BBX: variants seen among roughly 807,000 people sequenced by gnomAD.
The protein encoded by BBX is BBX high mobility group box domain containing.
In BBX, 30 loss-of-function variants were observed where a neutral mutation model predicts 100.2. That is an observed-to-expected ratio of 0.30 (90% CI 0.22 to 0.41). The LOEUF is 0.41. Among genes scored for constraint, BBX ranks in the 10% least tolerant of loss-of-function variants. The pLI, the probability that BBX is intolerant of heterozygous loss-of-function variation, is 1.00. For missense variants in BBX, 1,023 were observed against 1,129.8 expected (o/e 0.91, Z 1.35); for synonymous variants, 376 against 388.1 (o/e 0.97, Z 0.37).
At chr3:107,758,187 T>C (rs931991954) in intron 10 of BBX, among the ~76,000 whole-genome samples, 15 of 152,344 alleles carry the variant, frequency 9.8e-5, no homozygotes, top group African/African-American at 3.6e-4. Flanking sequence ...AGAGAAGCAC[T>C]GTTAAAGATT....
intron 2 of BBX, among the ~76,000 whole-genome samples, chr3:107,591,280 G>T (rs1336442325): frequency 6.6e-6 from 1 of 152,030 alleles, no homozygotes; most frequent in African/African-American, 2.4e-5. Context: ...TTTCCAATAA[G>T]CTCCTTAACA....
At chr3:107,675,914 TTAAAC>T (rs2059258295) in intron 3 of BBX, among the ~76,000 whole-genome samples, 2 of 152,290 alleles carry the variant, frequency 1.3e-5, no homozygotes, top group Non-Finnish European at 2.9e-5. Context: ...GAGTAGCTCT[TTAAAC>T]TATCCTATAA....
intron 2 of BBX, among the ~76,000 whole-genome samples, chr3:107,554,861 G>C (rs1432730984): frequency 1.3e-5 from 2 of 152,152 alleles, no homozygotes; most frequent in Non-Finnish European, 2.9e-5. Context: ...TTGAGGTCGG[G>C]AGTTCAAGAC....
chr3:107,719,183 A>G (rs936973754), intron 5 of BBX, among the ~76,000 whole-genome samples: 5 of 151,980 alleles, frequency 3.3e-5, no homozygotes, highest in Non-Finnish European at 7.4e-5. Context: ...CCAACACACA[A>G]TCATTTTTAA....
chr3:107,644,095 CAA>C (rs957910854), intron 2 of BBX, among the ~76,000 whole-genome samples: 10 of 152,072 alleles, frequency 6.6e-5, no homozygotes, highest in African/African-American at 2.4e-4. Context: ...GTTATCAAGA[CAA>C]AGTGCAATTA....
intron 2 of BBX, among the ~76,000 whole-genome samples, chr3:107,626,648 C>A (rs985953717): frequency 2.4e-4 from 31 of 130,856 alleles, no homozygotes; most frequent in African/African-American, 9.5e-4. Flanking sequence ...TGGACCTTTC[C>A]ATAGGATTTT....
At chr3:107,668,688 C>A (rs1297447103) in intron 3 of BBX, among the ~76,000 whole-genome samples, 1 of 152,186 alleles carries the variant, frequency 6.6e-6, no homozygotes, top group East Asian at 1.9e-4. Flanking sequence ...AATTAAAGCT[C>A]ATGGAGACAG....
intron 2 of BBX, among the ~76,000 whole-genome samples, chr3:107,585,828 CAGT>C (rs1351714410): frequency 1.3e-5 from 2 of 152,020 alleles, no homozygotes; most frequent in South Asian, 2.1e-4. Flanking sequence ...ATTAAAAACA[CAGT>C]AGGCGGATGT....
At chr3:107,606,958 ACT>A (rs1003097700) in intron 2 of BBX, among the ~76,000 whole-genome samples, 4 of 151,830 alleles carry the variant, frequency 2.6e-5, no homozygotes, top group Admixed American at 2.6e-4. Context: ...CCATCATTCT[ACT>A]CTCTATCTCC....
At chr3:107,613,717 G>T (rs377568415) in intron 2 of BBX, among the ~76,000 whole-genome samples, 1 of 152,144 alleles carries the variant, frequency 6.6e-6, no homozygotes, top group South Asian at 2.1e-4. Context: ...ATTTTAAAAT[G>T]TAAAGATTTA....
At position 107,740,884 on chromosome 3, in the gene BBX, G is replaced by A. The variant is rs2064039833; in HGVS notation, c.670-3746G>A. 2.0e-5 allele frequency among the ~76,000 whole-genome samples: 3 copies of A among 150,512 alleles called. No individual in the cohort carries two copies. The Admixed American group carries it at 2.0e-4, about 10-fold the overall frequency. On this transcript the variant is annotated intron_variant, in intron 7 of 17. Transcript: ENST00000325805. ...ATTATGCACTTACATTTTTGTATAT[G>A]ATGTTGCTGTCCCCTGCATATGAGT...
chr3:107,798,449 C>G, intron 15 of BBX, 74 bp from the exon 16 acceptor site: 3 of 1,379,790 alleles, frequency 2.2e-6, no homozygotes, highest in Non-Finnish European at 1.0e-6. Context: ...GAAATTTAGA[C>G]ATGTTTCCTT....
intron 1 of BBX, chr3:107,524,140 G>A (rs2047571254): frequency 6.6e-6 from 1 of 152,426 alleles, no homozygotes; most frequent in Admixed American, 6.5e-5. Flanking sequence ...GAGGCTGAGG[G>A]TGGTGGTGGA....
intron 2 of BBX, among the ~76,000 whole-genome samples, chr3:107,602,893 A>G (rs192185217): frequency 6.6e-6 from 1 of 152,364 alleles, no homozygotes; most frequent in Non-Finnish European, 1.5e-5. Context: ...AGACCATTAT[A>G]TAAACTTAGT....
chr3:107,631,242 G>T lies in BBX; in HGVS notation c.-83-14594G>T, dbSNP rs187375225. ...TCTAAGCCTTTGGGCTCATTTTTAGGCTCATCCTAGGCACATCTGACTATA... is the reference window on the plus strand; with the variant it reads ...TCTAAGCCTTTGGGCTCATTTTTAGTCTCATCCTAGGCACATCTGACTATA... On this transcript the variant is annotated intron_variant, in intron 2 of 17. Transcript: ENST00000325805. Among the ~76,000 whole-genome samples the T allele has an allele frequency of 3.8e-3, 573 of 152,240 alleles. 5 individuals carry two copies. The South Asian group carries it at 0.042, about 11-fold the overall frequency.
At chr3:107,686,172 ATG>A (rs981033213) in intron 3 of BBX, among the ~76,000 whole-genome samples, 5 of 152,132 alleles carry the variant, frequency 3.3e-5, no homozygotes, top group African/African-American at 1.2e-4. Context: ...ATACGTAAAT[ATG>A]TGTGTGTGTT....
chr3:107,603,216 G>A (rs62261978), intron 2 of BBX, among the ~76,000 whole-genome samples: 8 of 151,902 alleles, frequency 5.3e-5, no homozygotes, highest in Non-Finnish European at 1.0e-4. Context: ...CACCTGCCTC[G>A]GCCTCCCAAA....
rs989764788 is a variant in BBX at position 107,807,654 on chromosome 3, G to A, written c.*2197G>A. The A allele has an allele frequency of 3.4e-4, 51 of 151,124 alleles. No homozygotes were observed. The highest frequency in any genetic ancestry group is 1.2e-3 in the African/African-American group (49 of 41,070). The allele number at this position is 151,124 out of a possible 1,614,324, so 9.4% of individuals were successfully genotyped here. On this transcript the variant is annotated 3_prime_UTR_variant, in exon 18 of 18. Transcript: ENST00000325805. ...CCAGAGCACCCTCCTTCAGTCCTCC[G>A]ATTACATTTCACTAGAGTTCCTTAC...
intron 2 of BBX, among the ~76,000 whole-genome samples, chr3:107,534,180 C>T (rs1559782982): frequency 1.3e-5 from 2 of 152,172 alleles, no homozygotes; most frequent in African/African-American, 2.4e-5. Context: ...TACATGACTA[C>T]ATTCCTTGGT....
Sources: allele counts gnomAD v4.1 joint callset (sites outside exome capture counted in the v4.1 genomes callset), GRCh38; gene constraint gnomAD v4.1.1; transcripts MANE v1.5; gene names NCBI Gene and HGNC (gene_info 2026-07-23, HGNC 2026-07-21).